The following KLF8 variants were observed in gnomAD, a reference collection of about 807,000 sequenced individuals.
The protein encoded by KLF8 is KLF transcription factor 8.
KLF8 carries 10 observed loss-of-function variants against 18.2 expected under a neutral mutation model. The observed-to-expected ratio is 0.55, with a 90% confidence interval of 0.34 to 0.93. KLF8 has a LOEUF of 0.93. Ranked by LOEUF, KLF8 falls within the 40% of genes least tolerant of loss-of-function variation. The probability of loss-of-function intolerance (pLI) is 0.02; values close to 1 mark genes in which losing one functional copy is unlikely to be tolerated. For missense variants in KLF8, 264 were observed against 277.9 expected (o/e 0.95, Z 0.36); for synonymous variants, 109 against 97.3 (o/e 1.12, Z -0.71).
At position 56,284,909 on chromosome X, in the gene KLF8, T is replaced by G. The variant is rs1297073412; in HGVS notation, c.*415T>G. 8.3e-6 allele frequency: 1 copy of G among 120,784 alleles called. No individual in the cohort carries two copies. The highest frequency in any genetic ancestry group is 1.7e-5 in the Non-Finnish European group (1 of 59,364). 10.0% of individuals were successfully genotyped at this position (120,784 alleles called of 1,213,427 possible). A position where few individuals can be genotyped will look rare whatever the true frequency, so the allele number is the denominator to read the frequency against. The stretch of plus-strand genomic sequence containing the variant: ...TCCATATGTTTTTAAAATAAGTACC[T>G]AAAAGTGGTTTGATAGTGTCCTAAA... On this transcript the variant is annotated 3_prime_UTR_variant, in exon 6 of 6. Transcript: ENST00000468660.
chrX:56,199,633 G>A, the KLF8 span, among the ~76,000 whole-genome samples: 1 of 111,694 alleles, frequency 9.0e-6, no homozygotes, highest in African/African-American at 3.3e-5. Context: ...ACTGTTGGTG[G>A]GAGTATAGAT....
At chrX:56,124,082 T>C in the KLF8 span, among the ~76,000 whole-genome samples, 2 of 111,813 alleles carry the variant, frequency 1.8e-5, no homozygotes, top group African/African-American at 3.2e-5. Context: ...TCATTGATTT[T>C]GTTTTTGTGG....
chrX:56,035,736 A>G, the KLF8 span, among the ~76,000 whole-genome samples: 2 of 111,240 alleles, frequency 1.8e-5, no homozygotes, highest in African/African-American at 3.3e-5. Flanking sequence ...TTTTTTTCAT[A>G]TATTTGTTGG....
Position 56,243,528 on chromosome X carries a change from C to CTTT in KLF8, c.8-6679_8-6677dup, listed in dbSNP as rs773032466. 16 of 58,182 alleles carry CTTT rather than the reference C, an allele frequency of 2.7e-4. 1 individual carries two copies. The highest frequency in any genetic ancestry group is 7.2e-4 in the South Asian group (1 of 1,380). 4.8% of individuals were successfully genotyped at this position (58,182 alleles called of 1,213,427 possible). ...GCTTTTGTGTATGTTGAAACTCTTG[C>CTTT]TTTTTTTTTTTTTTTTTTTTTTTTT... On this transcript the variant is annotated intron_variant, in intron 1 of 5. Coordinates refer to ENST00000468660, the MANE Select transcript of KLF8 (RefSeq NM_007250.5).
chrX:55,930,708 C>G, the KLF8 span, among the ~76,000 whole-genome samples: 2 of 111,949 alleles, frequency 1.8e-5, no homozygotes, highest in African/African-American at 3.2e-5. Context: ...GTATGTTGAA[C>G]CAGCCTTGCA....
the KLF8 span, among the ~76,000 whole-genome samples, chrX:56,149,504 G>A: frequency 9.0e-6 from 1 of 110,516 alleles, no homozygotes; most frequent in Admixed American, 9.7e-5. Context: ...CTGCCTGATA[G>A]GATCATTTGT....
the KLF8 span, among the ~76,000 whole-genome samples, chrX:56,204,766 G>A: frequency 8.1e-5 from 9 of 110,923 alleles, no homozygotes; most frequent in African/African-American, 2.9e-4. Flanking sequence ...AAGTTGCCCA[G>A]CAAAATACAA....
chrX:55,987,403 A>G, the KLF8 span, among the ~76,000 whole-genome samples: 16 of 108,120 alleles, frequency 1.5e-4, no homozygotes, highest in African/African-American at 1.4e-4. Context: ...TCCTGTGTCC[A>G]TGTGTTCTCA....
the KLF8 span, among the ~76,000 whole-genome samples, chrX:55,910,676 A>T: frequency 8.9e-6 from 1 of 112,026 alleles, no homozygotes; most frequent in Non-Finnish European, 1.9e-5. Context: ...AGTCACTTGT[A>T]AAAAAAGAAG....
chrX:56,169,795 G>A, the KLF8 span, among the ~76,000 whole-genome samples: 2 of 111,972 alleles, frequency 1.8e-5, no homozygotes, highest in Non-Finnish European at 1.9e-5. Flanking sequence ...CACAAGCACG[G>A]CTGGTTTTGC....
the KLF8 span, among the ~76,000 whole-genome samples, chrX:55,916,900 C>T: frequency 5.0e-4 from 56 of 111,763 alleles, no homozygotes; most frequent in African/African-American, 1.8e-3. Flanking sequence ...TGAAGTTTTG[C>T]TCTCAGCAAA....
At chrX:56,077,879 T>C in the KLF8 span, among the ~76,000 whole-genome samples, 1 of 111,528 alleles carries the variant, frequency 9.0e-6, no homozygotes, top group Non-Finnish European at 1.9e-5. Context: ...GTTGAATTCC[T>C]AGGTATTTTA....
At chrX:55,983,978 A>G in the KLF8 span, among the ~76,000 whole-genome samples, 3 of 109,535 alleles carry the variant, frequency 2.7e-5, no homozygotes, top group Non-Finnish European at 5.7e-5. Context: ...ATGGCTGTGT[A>G]GTATTCTATG....
chrX:55,936,216 C>T, the KLF8 span, among the ~76,000 whole-genome samples: 1 of 111,873 alleles, frequency 8.9e-6, no homozygotes, highest in East Asian at 2.8e-4. Flanking sequence ...GATTGATGAC[C>T]ATCTCCCCTT....
chrX:55,922,381 G>A, the KLF8 span, among the ~76,000 whole-genome samples: 13 of 112,388 alleles, frequency 1.2e-4, no homozygotes, highest in South Asian at 3.7e-4. Flanking sequence ...CAAACACTGC[G>A]TGTTCTCACT....
the KLF8 span, among the ~76,000 whole-genome samples, chrX:55,959,664 G>T: frequency 9.0e-6 from 1 of 111,369 alleles, no homozygotes. Context: ...GAGCTCAAAG[G>T]CTGCTTCTTC....
the KLF8 span, among the ~76,000 whole-genome samples, chrX:56,048,953 G>C: frequency 3.6e-5 from 4 of 111,500 alleles, no homozygotes. Context: ...TTGAACAGTG[G>C]CTTGTAGTTC....
At chrX:56,111,501 C>A in the KLF8 span, among the ~76,000 whole-genome samples, 2 of 112,083 alleles carry the variant, frequency 1.8e-5, no homozygotes, top group African/African-American at 6.5e-5. Flanking sequence ...AACTAAAGAG[C>A]TTCTGCACAT....
the KLF8 span, among the ~76,000 whole-genome samples, chrX:56,069,430 T>C: frequency 9.0e-6 from 1 of 111,244 alleles, no homozygotes; most frequent in Non-Finnish European, 1.9e-5. Context: ...AGGTGGGATA[T>C]GTGTATTAGA....
Sources: gnomAD v4.1 joint callset for allele counts (sites outside exome capture counted in the v4.1 genomes callset) on GRCh38, gnomAD v4.1.1 for gene constraint, MANE v1.5 for transcripts, NCBI Gene and HGNC (gene_info 2026-07-23, HGNC 2026-07-21) for gene names.